ABLIM2: variants seen among roughly 807,000 people sequenced by gnomAD.
ABLIM2 encodes the protein actin-binding LIM protein 2.
Under a neutral mutation model 97.7 loss-of-function variants are expected in ABLIM2, and 53 were observed. The ratio of observed to expected loss-of-function variants is 0.54; its 90% CI spans 0.44 to 0.68. The LOEUF (loss-of-function observed/expected upper bound fraction) is 0.68. Among genes scored for constraint, ABLIM2 ranks in the 30% least tolerant of loss-of-function variants. The probability of loss-of-function intolerance (pLI) is 0.00; values close to 1 mark genes in which losing one functional copy is unlikely to be tolerated. For missense variants in ABLIM2, 835 were observed against 867.2 expected, an observed-to-expected ratio of 0.96 and a Z score of 0.47; for synonymous variants, 361 against 345.8, an observed-to-expected ratio of 1.04 and a Z score of -0.49.
rs139351565 is a variant in ABLIM2 at position 8,124,827 on chromosome 4, C to G, written c.11-18190G>C. ...ACTCTGTGTGCCACCTTTCAAGGAA[C>G]AGTCAGACTATTTTCCACACCGGGT... On this transcript the variant is annotated intron_variant, in intron 1 of 20. Coordinates refer to ENST00000447017, the MANE Select transcript of ABLIM2 (RefSeq NM_001130083.2). This position sits in a 1 kb window ranked among gnomAD's most constrained non-coding sequence, Gnocchi z 6.1. Among the ~76,000 whole-genome samples, 2 of 152,186 alleles carry G rather than the reference C, an allele frequency of 1.3e-5. No individual in the cohort carries two copies. The highest frequency in any genetic ancestry group is 4.8e-5 in the African/African-American group (2 of 41,442).
At chr4:8,098,533 G>C (rs1832840882) in intron 2 of ABLIM2, among the ~76,000 whole-genome samples, 1 of 152,166 alleles carries the variant, frequency 6.6e-6, no homozygotes, top group South Asian at 2.1e-4. Flanking sequence ...CACCAGAGTG[G>C]CTGGAACGCC....
At chr4:7,982,597 T>C (rs1291377891) in intron 20 of ABLIM2, among the ~76,000 whole-genome samples, 2 of 152,246 alleles carry the variant, frequency 1.3e-5, no homozygotes, top group Non-Finnish European at 2.9e-5. Flanking sequence ...ACTTGCTTTC[T>C]GCATTTGTCC....
At position 8,072,222 on chromosome 4, in the gene ABLIM2, T is replaced by C. The variant is rs911557100; in HGVS notation, c.675+5406A>G. ...TCGAATTAGGATGGTTCCTTCCCGA[T>C]GAACCAGGGCGCACCCCAAATTCTG... On this transcript the variant is annotated intron_variant, in intron 6 of 20. Coordinates refer to ENST00000447017, the MANE Select transcript of ABLIM2 (RefSeq NM_001130083.2). The surrounding 1 kb of genome is among the most constrained non-coding windows in gnomAD (Gnocchi z 5.8). Among the ~76,000 whole-genome samples, 1 of 152,230 alleles carries C rather than the reference T, an allele frequency of 6.6e-6. No homozygotes were observed. Among genetic ancestry groups the C allele is most frequent in the Non-Finnish European group, 1.5e-5 (1 of 68,040 alleles).
intron 10 of ABLIM2, among the ~76,000 whole-genome samples, chr4:8,030,076 C>G (rs977416839): frequency 1.3e-5 from 2 of 152,158 alleles, no homozygotes; most frequent in African/African-American, 2.4e-5. Context: ...CCAGCTTCAT[C>G]CTCCAGGTCT....
At chr4:7,995,676 T>C (rs1245348379) in intron 16 of ABLIM2, among the ~76,000 whole-genome samples, 3 of 152,172 alleles carry the variant, frequency 2.0e-5, no homozygotes, top group African/African-American at 7.2e-5. Flanking sequence ...GAAGGTGTTT[T>C]AAACATCAAG....
intron 5 of ABLIM2, among the ~76,000 whole-genome samples, chr4:8,079,713 C>T (rs1214746786): frequency 6.6e-6 from 1 of 152,182 alleles, no homozygotes; most frequent in Non-Finnish European, 1.5e-5. Flanking sequence ...CGACGTGATT[C>T]AGGTTCCGTG....
At chr4:8,106,300 T>C (rs12108540) in intron 2 of ABLIM2, among the ~76,000 whole-genome samples, 194 bp downstream of exon 2, 117,003 of 152,158 alleles carry the variant, frequency 0.77, 45,136 homozygotes, top group Admixed American at 0.8. Flanking sequence ...CCCAATCTGG[T>C]GATTTCTCCA....
At chr4:8,031,009 G>T (rs533364561) in intron 10 of ABLIM2, among the ~76,000 whole-genome samples, 1 of 152,240 alleles carries the variant, frequency 6.6e-6, no homozygotes, top group Non-Finnish European at 1.5e-5. Context: ...GAGCCAAGCG[G>T]AGAAGCCACG....
intron 1 of ABLIM2, among the ~76,000 whole-genome samples, chr4:8,139,550 G>T (rs1199606617): frequency 6.6e-6 from 1 of 152,190 alleles, no homozygotes; most frequent in Non-Finnish European, 1.5e-5. Flanking sequence ...ACCACGATGA[G>T]ATACCATCTC....
chr4:8,117,236 C>T (rs1568192), intron 1 of ABLIM2, among the ~76,000 whole-genome samples: 43,645 of 152,166 alleles, frequency 0.29, 6,494 homozygotes, highest in East Asian at 0.4. Context: ...GTGACCAGCC[C>T]AAAGCCACAC....
At position 8,058,587 on chromosome 4, in the gene ABLIM2, A is replaced by G. The variant is rs1223264115; in HGVS notation, c.763+2380T>C. On this transcript the variant is annotated intron_variant, in intron 7 of 20. Coordinates refer to ENST00000447017, the MANE Select transcript of ABLIM2 (RefSeq NM_001130083.2). The surrounding 1 kb of genome is among the most constrained non-coding windows in gnomAD (Gnocchi z 4.2). ...CAGACCTGTCCTCGCCGGGGCCCCT[A>G]TGCCCCGTCCAATCCATCATCAAGT... Among the ~76,000 whole-genome samples, 2 of 152,114 alleles carry G rather than the reference A, an allele frequency of 1.3e-5. No homozygotes were observed. Among genetic ancestry groups the G allele is most frequent in the African/African-American group, 2.4e-5 (1 of 41,428 alleles).
chr4:8,014,200 G>A (rs1767106288), intron 14 of ABLIM2, among the ~76,000 whole-genome samples: 1 of 152,250 alleles, frequency 6.6e-6, no homozygotes, highest in Non-Finnish European at 1.5e-5. Context: ...CCCGGCAGGT[G>A]CTCTCTCTGA....
intron 3 of ABLIM2, among the ~76,000 whole-genome samples, chr4:8,090,452 G>T (rs1156470453): frequency 6.6e-6 from 1 of 152,226 alleles, no homozygotes; most frequent in Non-Finnish European, 1.5e-5. Context: ...GCCTGGACCT[G>T]GGAGGGGCTG....
At position 8,058,269 on chromosome 4, in the gene ABLIM2, G is replaced by A. The variant is rs1181459721; in HGVS notation, c.763+2698C>T. Reference sequence around the variant, plus strand: ...CTGGCACTGCTGGGACGGTCCCAAAGGACCCTTTGACGGGCTCTCGAGCAG... The same window carrying A: ...CTGGCACTGCTGGGACGGTCCCAAAAGACCCTTTGACGGGCTCTCGAGCAG... On this transcript the variant is annotated intron_variant, in intron 7 of 20. Coordinates refer to ENST00000447017, the MANE Select transcript of ABLIM2 (RefSeq NM_001130083.2). This position sits in a 1 kb window ranked among gnomAD's most constrained non-coding sequence, Gnocchi z 4.2. Among the ~76,000 whole-genome samples the A allele has an allele frequency of 6.6e-6, 1 of 152,240 alleles. No homozygotes were observed. The highest frequency in any genetic ancestry group is 2.4e-5 in the African/African-American group (1 of 41,462).
intron 14 of ABLIM2, among the ~76,000 whole-genome samples, chr4:8,014,432 T>A (rs1449973450): frequency 6.6e-6 from 1 of 152,124 alleles, no homozygotes; most frequent in Non-Finnish European, 1.5e-5. Context: ...ACAATTCACA[T>A]TGAATTGGAA....
intron 14 of ABLIM2, among the ~76,000 whole-genome samples, chr4:8,016,343 C>T (rs555642452): frequency 2.0e-5 from 3 of 152,118 alleles, no homozygotes; most frequent in African/African-American, 4.8e-5. Context: ...TGTGCCTGGC[C>T]GGTCATGAAT....
intron 8 of ABLIM2, among the ~76,000 whole-genome samples, chr4:8,049,496 T>C (rs183473861): frequency 3.2e-4 from 49 of 152,316 alleles, no homozygotes; most frequent in African/African-American, 1.1e-3. Flanking sequence ...CAGGCCATGA[T>C]GGGAAGCGGG....
chr4:8,010,710 A>C, intron 14 of ABLIM2: 1 of 571,310 alleles, frequency 1.8e-6, no homozygotes, highest in Non-Finnish European at 2.2e-6. Context: ...ACAGAGGCAA[A>C]TCAACGCCAA....
chr4:8,158,225 C>A (rs566098313), intron 1 of ABLIM2, among the ~76,000 whole-genome samples: 18 of 152,344 alleles, frequency 1.2e-4, no homozygotes, highest in African/African-American at 4.1e-4. Flanking sequence ...ACGCCCCCAA[C>A]CCAGGCGCTG....
Sources: allele counts gnomAD v4.1 joint callset (sites outside exome capture counted in the v4.1 genomes callset), GRCh38; gene constraint gnomAD v4.1.1; non-coding constraint Gnocchi (gnomAD v3.1); transcripts MANE v1.5; gene names NCBI Gene and HGNC (gene_info 2026-07-23, HGNC 2026-07-21).